The following SFXN1 variants were observed in gnomAD, a reference collection of about 807,000 sequenced individuals.
SFXN1 encodes the protein sideroflexin 1, also known as sideroflexin-1.
SFXN1 carries 32 observed loss-of-function variants against 39.5 expected under a neutral mutation model. The ratio of observed to expected loss-of-function variants is 0.81; its 90% CI spans 0.61 to 1.09. The LOEUF (loss-of-function observed/expected upper bound fraction) is 1.09, where lower values mean the gene tolerates loss of function less well. SFXN1 is among the 50% of genes least tolerant of loss of function. The pLI is 0.00. For synonymous variants in SFXN1, 136 were observed against 146.5 expected, an observed-to-expected ratio of 0.93 and a Z score of 0.52; for missense variants, 402 against 407.1, an observed-to-expected ratio of 0.99 and a Z score of 0.11.
At chr5:175,487,789 C>T (rs1352352798) in intron 1 of SFXN1, among the ~76,000 whole-genome samples, 1 of 152,190 alleles carries the variant, frequency 6.6e-6, no homozygotes, top group African/African-American at 2.4e-5. Flanking sequence ...CTCACGCTTA[C>T]TCCGTGCAAA....
At chr5:175,479,862 T>C (rs267348) in intron 1 of SFXN1, among the ~76,000 whole-genome samples, 93,992 of 152,026 alleles carry the variant, frequency 0.62, 29,782 homozygotes, top group African/African-American at 0.72. Flanking sequence ...TTGGGTGCCT[T>C]TGGATTCTCC....
At chr5:175,506,322 C>T (rs191005675) in intron 2 of SFXN1, among the ~76,000 whole-genome samples, 1 of 152,154 alleles carries the variant, frequency 6.6e-6, no homozygotes, top group East Asian at 1.9e-4. Context: ...TGGGGTTAAT[C>T]GCAGTGTATA....
chr5:175,513,067 G>A (rs1760577434), intron 6 of SFXN1, among the ~76,000 whole-genome samples: 2 of 152,038 alleles, frequency 1.3e-5, no homozygotes, highest in Non-Finnish European at 2.9e-5. Context: ...TTGGGAGGCC[G>A]AGGCGAGTGG....
rs1172539618 is a variant in SFXN1 at position 175,513,578 on chromosome 5, G to A, written c.712G>A (p.Ala238Thr). 6.2e-7 allele frequency: 1 copy of A among 1,613,838 alleles called. No individual in the cohort carries two copies. The highest frequency in any genetic ancestry group is 1.7e-5 in the Admixed American group (1 of 60,018). Residue 238 changes from alanine to threonine, a missense_variant, in exon 7 of 11, where the codon GCC (alanine) becomes ACC (threonine). Coordinates refer to ENST00000321442, the MANE Select transcript of SFXN1 (RefSeq NM_022754.7). ...QVVVSRILMAAPGMAIPPFIM... is the reference protein window; with the variant it reads ...QVVVSRILMATPGMAIPPFIM... ...TGTCGTGTCCAGGATTCTCATGGCAGCCCCTGGCATGGGTTAGCAGGACTT... is the reference window on the plus strand; with the variant it reads ...TGTCGTGTCCAGGATTCTCATGGCAACCCCTGGCATGGGTTAGCAGGACTT...
intron 2 of SFXN1, among the ~76,000 whole-genome samples, chr5:175,494,739 C>T (rs2113287592): frequency 7.0e-6 from 1 of 142,924 alleles, no homozygotes; most frequent in African/African-American, 2.6e-5. Flanking sequence ...GCAACAAGCA[C>T]GAAACTCCAC....
chr5:175,492,371 A>G, intron 2 of SFXN1, 104 bp downstream of exon 2: 2 of 1,080,576 alleles, frequency 1.9e-6, no homozygotes, highest in Non-Finnish European at 2.5e-6. Flanking sequence ...TTTTTTTTGC[A>G]ATGGAATTCT....
intron 2 of SFXN1, among the ~76,000 whole-genome samples, chr5:175,500,045 A>G (rs964926453): frequency 1.3e-5 from 2 of 152,140 alleles, no homozygotes; most frequent in Non-Finnish European, 2.9e-5. Flanking sequence ...AAAATTAGCC[A>G]GGCCTGGTGG....
chr5:175,513,899 G>A (rs560789567), intron 7 of SFXN1, among the ~76,000 whole-genome samples: 1 of 152,048 alleles, frequency 6.6e-6, no homozygotes, highest in East Asian at 1.9e-4. Context: ...GAGTTTGCCT[G>A]GTGTGTTACA....
rs1166870226 is a variant in SFXN1, at chr5:175,529,338, CAAA to C, written c.*2616_*2618del. On this transcript the variant is annotated 3_prime_UTR_variant, in exon 11 of 11. Transcript: ENST00000321442. ...GGGCAACAAGAGCGAAACTCCATCT[CAAA>C]AAAAAAAAAAAGAGATTATAAAAGG... is the stretch of plus-strand genomic sequence containing the variant. The C allele has an allele frequency of 4.3e-5, 5 of 117,022 alleles. No homozygotes were observed. The highest frequency in any genetic ancestry group is 3.8e-5 in the Non-Finnish European group (2 of 53,146). 7.2% of individuals were successfully genotyped at this position (117,022 alleles called of 1,614,324 possible).
In SFXN1 at chr5:175,508,527, G is replaced by A. The variant is rs142258018; in HGVS notation, c.165-505G>A. On this transcript the variant is annotated intron_variant, in intron 2 of 10. Coordinates refer to ENST00000321442, the MANE Select transcript of SFXN1 (RefSeq NM_022754.7). ...TGAGATTACAGGCATAAGCCACCGC[G>A]CCCAGCCTGAAATGTTCATTTTAAG... Among the ~76,000 whole-genome samples the A allele has an allele frequency of 3.7e-3, 560 of 150,136 alleles. 6 individuals are homozygous for A. Among genetic ancestry groups the A allele is most frequent in the African/African-American group, 0.013 (514 of 40,956 alleles).
chr5:175,526,085 T>G (rs2113371357), intron 10 of SFXN1: 1 of 153,004 alleles, frequency 6.5e-6, no homozygotes, highest in Middle Eastern at 3.4e-3. Flanking sequence ...ACTTAAAGAC[T>G]AACAGTGGTT....
At chr5:175,488,818 C>A (rs1303368364) in intron 1 of SFXN1, among the ~76,000 whole-genome samples, 1 of 152,166 alleles carries the variant, frequency 6.6e-6, no homozygotes, top group Non-Finnish European at 1.5e-5. Flanking sequence ...ATCAGCTGAG[C>A]CCAGGACGTC....
Position 175,513,507 on chromosome 5 carries a change from G to A in SFXN1, c.641G>A (p.Arg214His), listed in dbSNP as rs143175347. ...GIPVTDENGN[R>H]LGESANAAKQ... ...CCCGTCACGGATGAGAATGGGAACCGCTTGGGGGAGTCGGCGAACGCTGCG... is the reference window on the plus strand; with the variant it reads ...CCCGTCACGGATGAGAATGGGAACCACTTGGGGGAGTCGGCGAACGCTGCG... The change falls in exon 7 of 11, where the codon CGC becomes CAC. Residue 214 changes from arginine to histidine, a missense_variant. Coordinates refer to ENST00000321442, the MANE Select transcript of SFXN1 (RefSeq NM_022754.7). 33 of 1,613,840 alleles carry A rather than the reference G, an allele frequency of 2.0e-5. No homozygotes were observed. Among genetic ancestry groups the A allele is most frequent in the Admixed American group, 5.0e-5 (3 of 59,990 alleles).
chr5:175,480,441 A>C (rs1193390498), intron 1 of SFXN1, among the ~76,000 whole-genome samples: 1 of 151,658 alleles, frequency 6.6e-6, no homozygotes, highest in African/African-American at 2.4e-5. Context: ...AGGAGCTATC[A>C]GCTCCCATCT....
rs1352657177 is a variant in SFXN1, at chr5:175,525,957, GT to G, written c.873-676del. ...CTAATTACATATCAAAATATTAGCA[GT>G]TTTTCTGGTAGGTATTCTGGACAAT... is the stretch of plus-strand genomic sequence containing the variant. On this transcript the variant is annotated intron_variant, in intron 10 of 10. Transcript: ENST00000321442. 4 of 152,080 alleles carry G rather than the reference GT, an allele frequency of 2.6e-5. No homozygotes were observed. The South Asian group carries it at 8.3e-4, about 32-fold the overall frequency. The allele number at this position is 152,080 out of a possible 1,614,324, so 9.4% of individuals were successfully genotyped here.
chr5:175,493,443 G>A (rs1269246251), intron 2 of SFXN1, among the ~76,000 whole-genome samples: 7 of 152,152 alleles, frequency 4.6e-5, no homozygotes, highest in Admixed American at 6.6e-5. Flanking sequence ...CATCATCTAG[G>A]TAGAGAGAGA....
At chr5:175,495,982 C>T (rs1759846094) in intron 2 of SFXN1, among the ~76,000 whole-genome samples, 1 of 147,534 alleles carries the variant, frequency 6.8e-6, no homozygotes, top group African/African-American at 2.5e-5. Flanking sequence ...CTCACAGCAA[C>T]CTCCGCCTCC....
At chr5:175,495,110 A>T (rs1181385735) in intron 2 of SFXN1, among the ~76,000 whole-genome samples, 2 of 152,248 alleles carry the variant, frequency 1.3e-5, no homozygotes, top group Non-Finnish European at 2.9e-5. Context: ...ACAATGAAAT[A>T]GCATTCAGCC....
At chr5:175,499,254 CA>C (rs1759982802) in intron 2 of SFXN1, among the ~76,000 whole-genome samples, 1 of 130,426 alleles carries the variant, frequency 7.7e-6, no homozygotes, top group South Asian at 2.9e-4. Context: ...GACTCTGTCT[CA>C]AGAAAAAAAA....
Sources: allele counts gnomAD v4.1 joint callset (sites outside exome capture counted in the v4.1 genomes callset), GRCh38; gene constraint gnomAD v4.1.1; transcripts MANE v1.5; gene names NCBI Gene and HGNC (gene_info 2026-07-23, HGNC 2026-07-21).